The following UMAD1 variants were observed in gnomAD, a reference collection of about 807,000 sequenced individuals.
UMAD1 encodes UBAP1-MVB12-associated (UMA)-domain containing protein 1.
UMAD1 carries 8 observed loss-of-function variants against 6.1 expected under a neutral mutation model. The observed-to-expected ratio is 1.30, with a 90% CI of 0.76 to 2.35. The LOEUF is 2.35. UMAD1 is among the 30% of genes most tolerant of loss of function. The pLI, the probability that UMAD1 is intolerant of heterozygous loss-of-function variation, is 0.00. For missense variants in UMAD1, 130 were observed against 78.4 expected (o/e 1.66, Z -2.49); for synonymous variants, 56 against 31.4 (o/e 1.78, Z -2.61).
intron 2 of UMAD1, among the ~76,000 whole-genome samples, chr7:7,737,679 A>G (rs1309411575): frequency 6.6e-6 from 1 of 152,152 alleles, no homozygotes; most frequent in Non-Finnish European, 1.5e-5. Context: ...TAAAGTGTTA[A>G]TTGTGCTTAT....
chr7:7,815,663 A>C (rs1285713749), intron 3 of UMAD1, among the ~76,000 whole-genome samples: 1 of 152,120 alleles, frequency 6.6e-6, no homozygotes, highest in Non-Finnish European at 1.5e-5. Context: ...GGGAGAATAA[A>C]ACTGTGTCCA....
rs10952072 is a variant in UMAD1, at chr7:7,802,376, C to G, written c.156+633C>G. The stretch of plus-strand genomic sequence containing the variant: ...CTGGCGACAGAGCGAGACTCCGTCT[C>G]AAAAAAAAAAAAAAAAATCCATTCA... On this transcript the variant is annotated intron_variant, in intron 3 of 3. Transcript: ENST00000682710. Among the ~76,000 whole-genome samples, 66 of 42,446 alleles carry G rather than the reference C, an allele frequency of 1.6e-3. 2 individuals are homozygous for G. Among genetic ancestry groups the G allele is most frequent in the Admixed American group, 3.0e-3 (11 of 3,694 alleles). The allele number at this position is 42,446 out of a possible 152,430, so 27.8% of individuals were successfully genotyped here. A position where few individuals can be genotyped will look rare whatever the true frequency, so the allele number is the denominator to read the frequency against.
intron 2 of UMAD1, among the ~76,000 whole-genome samples, chr7:7,796,423 G>A (rs916853783): frequency 1.3e-5 from 2 of 151,490 alleles, no homozygotes; most frequent in African/African-American, 4.8e-5. Context: ...GGCTAATTTT[G>A]CATTTTTATT....
At chr7:7,771,160 G>C (rs1371402118) in intron 2 of UMAD1, among the ~76,000 whole-genome samples, 3 of 151,860 alleles carry the variant, frequency 2.0e-5, no homozygotes, top group Admixed American at 2.0e-4. Context: ...TGAGGACAAG[G>C]ATAATTGTAT....
At chr7:7,716,728 G>A (rs1036279704) in intron 2 of UMAD1, among the ~76,000 whole-genome samples, 1 of 152,172 alleles carries the variant, frequency 6.6e-6, no homozygotes, top group Non-Finnish European at 1.5e-5. Flanking sequence ...GGCGGATCAC[G>A]AGGTCAGGAG....
chr7:7,683,590 T>C (rs1779964091), intron 2 of UMAD1, among the ~76,000 whole-genome samples: 3 of 152,028 alleles, frequency 2.0e-5, no homozygotes, highest in Admixed American at 1.3e-4. Flanking sequence ...GAAAGCTTCA[T>C]ACATGATCCT....
At chr7:7,858,456 C>T (rs1784059133) in intron 3 of UMAD1, among the ~76,000 whole-genome samples, 1 of 152,228 alleles carries the variant, frequency 6.6e-6, no homozygotes, top group Non-Finnish European at 1.5e-5. Flanking sequence ...CTTAAAAACA[C>T]TTTGGGAAAT....
intron 3 of UMAD1, among the ~76,000 whole-genome samples, chr7:7,833,193 G>A (rs1427278679): frequency 1.3e-5 from 2 of 152,074 alleles, no homozygotes; most frequent in African/African-American, 4.8e-5. Context: ...GACTAGAGCT[G>A]GGCTGTGAAA....
rs1310506613 is a variant in UMAD1 at position 7,801,743 on chromosome 7, G to T, written c.156G>T (p.Glu52Asp). 4 of 717,888 alleles carry T rather than the reference G, an allele frequency of 5.6e-6. No individual in the cohort carries two copies. The South Asian group carries it at 5.9e-5, about 11-fold the overall frequency. 44.5% of individuals were successfully genotyped at this position (717,888 alleles called of 1,614,324 possible). A position where few individuals can be genotyped will look rare whatever the true frequency, so the allele number is the denominator to read the frequency against. Reference sequence around the variant, plus strand: ...ACATAGAGGCCAACCAACCTTTGGAGGTAAGTGAAACAGAGTAAGTCCTTT... The same window carrying T: ...ACATAGAGGCCAACCAACCTTTGGATGTAAGTGAAACAGAGTAAGTCCTTT... ...TSDIEANQPLETNKENSSSVT... is the reference protein window; with the variant it reads ...TSDIEANQPLDTNKENSSSVT... The change falls in exon 3 of 4, where the codon GAG becomes GAT. Residue 52 changes from glutamate (E) to aspartate (D), a missense_variant and splice_region_variant. Transcript: ENST00000682710.
chr7:7,779,651 T>A (rs1250927654), intron 2 of UMAD1, among the ~76,000 whole-genome samples: 1 of 152,154 alleles, frequency 6.6e-6, no homozygotes, highest in Non-Finnish European at 1.5e-5. Flanking sequence ...TTTACTTTAT[T>A]TATTTATTTT....
At chr7:7,800,213 G>T (rs961695762) in intron 2 of UMAD1, among the ~76,000 whole-genome samples, 1 of 152,198 alleles carries the variant, frequency 6.6e-6, no homozygotes, top group African/African-American at 2.4e-5. Flanking sequence ...ACTACAAAGA[G>T]AAGTTCACTA....
chr7:7,731,333 G>A (rs543253401), intron 2 of UMAD1, among the ~76,000 whole-genome samples: 1 of 152,250 alleles, frequency 6.6e-6, no homozygotes, highest in African/African-American at 2.4e-5. Flanking sequence ...AACTATTGTA[G>A]TAGTGCAGGG....
chr7:7,660,053 T>A lies in UMAD1; in HGVS notation c.-63-13256T>A, dbSNP rs113637147. The stretch of plus-strand genomic sequence containing the variant: ...TTGCATTGATCCCTTTACCATTATG[T>A]AATGCTCTTTTTGTCTCTTTTGATC... On this transcript the variant is annotated intron_variant, in intron 1 of 3. Transcript: ENST00000682710. Among the ~76,000 whole-genome samples, 201 of 152,340 alleles carry A rather than the reference T, an allele frequency of 1.3e-3. 1 individual carries two copies. Among genetic ancestry groups the A allele is most frequent in the Middle Eastern group, 0.01 (3 of 294 alleles).
chr7:7,821,762 C>G (rs549118203), intron 3 of UMAD1, among the ~76,000 whole-genome samples: 1 of 152,226 alleles, frequency 6.6e-6, no homozygotes, highest in East Asian at 1.9e-4. Context: ...GTGAACTGTA[C>G]CTACTGTTTC....
At chr7:7,743,423 A>C (rs1469164502) in intron 2 of UMAD1, among the ~76,000 whole-genome samples, 1 of 152,182 alleles carries the variant, frequency 6.6e-6, no homozygotes, top group Non-Finnish European at 1.5e-5. Flanking sequence ...AACTACAGAT[A>C]CAAAATTTAT....
chr7:7,819,647 T>G (rs1783204214), intron 3 of UMAD1, among the ~76,000 whole-genome samples: 2 of 152,258 alleles, frequency 1.3e-5, no homozygotes, highest in South Asian at 4.1e-4. Flanking sequence ...AAAATAGTTT[T>G]AGTTTTGCTC....
chr7:7,694,445 T>A (rs1020044296), intron 2 of UMAD1, among the ~76,000 whole-genome samples: 11 of 152,164 alleles, frequency 7.2e-5, no homozygotes, highest in Admixed American at 1.3e-4. Context: ...GTAGTCACCC[T>A]GTTGTGCTAT....
rs28719961 is a variant in UMAD1 at position 7,794,304 on chromosome 7, A to G, written c.83-7366A>G. Among the ~76,000 whole-genome samples, 716 of 152,284 alleles carry G rather than the reference A, an allele frequency of 4.7e-3. 5 individuals are homozygous for G. Among genetic ancestry groups the G allele is most frequent in the African/African-American group, 0.017 (690 of 41,544 alleles). Reference sequence around the variant, plus strand: ...CTCTTCCCCAGATGAGATCTGGCCAATTGAGGGGAGGAAAAAGGAACAGAT... The same window carrying G: ...CTCTTCCCCAGATGAGATCTGGCCAGTTGAGGGGAGGAAAAAGGAACAGAT... On this transcript the variant is annotated intron_variant, in intron 2 of 3. Transcript: ENST00000682710.
At chr7:7,867,132 G>T (rs952558264) in intron 3 of UMAD1, among the ~76,000 whole-genome samples, 1 of 152,156 alleles carries the variant, frequency 6.6e-6, no homozygotes, top group Non-Finnish European at 1.5e-5. Context: ...TAAGTTTGAG[G>T]TAAGGTTAAG....
Sources: allele counts gnomAD v4.1 joint callset (sites outside exome capture counted in the v4.1 genomes callset), GRCh38; gene constraint gnomAD v4.1.1; transcripts MANE v1.5; gene names NCBI Gene and HGNC (gene_info 2026-07-23, HGNC 2026-07-21).